RHAG: variants seen among roughly 807,000 people sequenced by gnomAD.
The protein encoded by RHAG is ammonium transporter Rh type A.
RHAG carries 25 observed loss-of-function variants against 42.4 expected under a neutral mutation model. The observed-to-expected ratio is 0.59, with a 90% confidence interval of 0.43 to 0.82. The LOEUF is 0.82. RHAG is among the 40% of genes least tolerant of loss of function. RHAG has a pLI of 0.00. For synonymous variants in RHAG, 182 were observed against 177.7 expected, an observed-to-expected ratio of 1.02 and a Z score of -0.19; for missense variants, 483 against 504.6, an observed-to-expected ratio of 0.96 and a Z score of 0.41.
At chr6:49,621,485 A>G (rs748939329) in intron 1 of RHAG, among the ~76,000 whole-genome samples, 2 of 152,108 alleles carry the variant, frequency 1.3e-5, no homozygotes, top group Non-Finnish European at 2.9e-5. Context: ...TCTTTCCCTC[A>G]GGTGTTGATC....
chr6:49,622,709 G>A (rs1450721728), intron 1 of RHAG, among the ~76,000 whole-genome samples: 2 of 151,988 alleles, frequency 1.3e-5, no homozygotes, highest in Non-Finnish European at 2.9e-5. Context: ...TACCAGCAGT[G>A]TGAAAACGAA....
At chr6:49,621,943 T>G (rs1176831962) in intron 1 of RHAG, among the ~76,000 whole-genome samples, 1 of 152,192 alleles carries the variant, frequency 6.6e-6, no homozygotes, top group Non-Finnish European at 1.5e-5. Flanking sequence ...TTTTTTTCAT[T>G]TTGTTCATTT....
Position 49,606,194 on chromosome 6 carries a change from A to T in RHAG, c.1213-364T>A, listed in dbSNP as rs899892. ...GGACCTCTTGATGTGTACTCACTCA[A>T]ATTCTTCAACCTTATATATTTCACT... On this transcript the variant is annotated intron_variant, in intron 9 of 9. Coordinates refer to ENST00000371175, the MANE Select transcript of RHAG (RefSeq NM_000324.3). Among the ~76,000 whole-genome samples the T allele has an allele frequency of 5.5e-4, 83 of 152,282 alleles. No homozygotes were observed. In the East Asian group the frequency reaches 0.016, roughly 29 times the overall value.
In RHAG at chr6:49,614,691, T is replaced by C. The variant is rs1476921922; in HGVS notation, c.803A>G (p.Asn268Ser). ...SSLVEHRGKL[N>S]MVHIQNATLA... is the part of the protein sequence containing the mutation. ...GAGGGCTAAGGCGGCACTTACCATG[T>C]TGAGCTTGCCTCGGTGCTCCACTAG... The change falls in exon 5 of 10, where the codon AAC becomes AGC. Residue 268 changes from asparagine to serine, a missense_variant. Asn to Ser is a conservative substitution (Grantham distance 46). Transcript: ENST00000371175. 4 of 1,613,548 alleles carry C rather than the reference T, an allele frequency of 2.5e-6. No homozygotes were observed. The highest frequency in any genetic ancestry group is 3.4e-6 in the Non-Finnish European group (4 of 1,180,002).
intron 9 of RHAG, 136 bp downstream of exon 9, chr6:49,606,712 A>C: frequency 1.4e-6 from 1 of 721,874 alleles, no homozygotes; most frequent in South Asian, 1.5e-5. Flanking sequence ...CTGAGATTAC[A>C]TGTGTGAGCT....
In RHAG at chr6:49,615,389, T is replaced by C. The variant is rs183460390; in HGVS notation, c.640+235A>G. The stretch of plus-strand genomic sequence containing the variant: ...CATTTTTTCAAAGTTTAATTGAATT[T>C]ATTATTATTATTATTATTTTTTAGA... On this transcript the variant is annotated intron_variant, in intron 4 of 9. Transcript: ENST00000371175. 3.2e-4 allele frequency: 105 copies of C among 328,542 alleles called. No homozygotes were observed. In the Admixed American group the frequency reaches 3.6e-3, roughly 11 times the overall value. The allele number at this position is 328,542 out of a possible 1,614,324, so 20.4% of individuals were successfully genotyped here. A position where few individuals can be genotyped will look rare whatever the true frequency, so the allele number is the denominator to read the frequency against.
intron 1 of RHAG, among the ~76,000 whole-genome samples, chr6:49,636,124 T>C (rs1359415339): frequency 6.6e-6 from 1 of 152,156 alleles, no homozygotes; most frequent in East Asian, 1.9e-4. Flanking sequence ...CATCTCAAAG[T>C]AACAAACCGA....
chr6:49,612,146 A>G (rs904288131), intron 6 of RHAG, among the ~76,000 whole-genome samples: 11 of 152,212 alleles, frequency 7.2e-5, no homozygotes, highest in African/African-American at 2.7e-4. Flanking sequence ...AGTAATGGCC[A>G]TGTACTTAAC....
chr6:49,635,133 G>T (rs1424830763), intron 1 of RHAG, among the ~76,000 whole-genome samples: 2 of 150,850 alleles, frequency 1.3e-5, no homozygotes, highest in Admixed American at 6.7e-5. Flanking sequence ...TACATCTATA[G>T]CTAGGCTACT....
At chr6:49,628,455 A>C (rs1421532729) in intron 1 of RHAG, among the ~76,000 whole-genome samples, 1 of 152,152 alleles carries the variant, frequency 6.6e-6, no homozygotes, top group Non-Finnish European at 1.5e-5. Flanking sequence ...ACTGACTTCA[A>C]GAATGAAGCC....
Position 49,605,357 on chromosome 6 carries a change from T to C in RHAG, c.*456A>G. 5.3e-6 allele frequency: 1 copy of C among 187,740 alleles called. No homozygotes were observed. The highest frequency in any genetic ancestry group is 1.2e-4 in the East Asian group (1 of 8,072). The allele number at this position is 187,740 out of a possible 1,614,324, so 11.6% of individuals were successfully genotyped here. A position where few individuals can be genotyped will look rare whatever the true frequency, so the allele number is the denominator to read the frequency against. ...TAAAAAGCACTACCTAAAATCATCA[T>C]ATTACTACTTTACACACATGCATTT... On this transcript the variant is annotated 3_prime_UTR_variant, in exon 10 of 10. Coordinates refer to ENST00000371175, the MANE Select transcript of RHAG (RefSeq NM_000324.3).
chr6:49,617,680 T>C lies in RHAG; in HGVS notation c.492+388A>G, dbSNP rs933435928. Reference sequence around the variant, plus strand: ...GCCTTAACAAAAACCACTACAATGTTTTATATGGGGCTATTCACCTAGTAG... The same window carrying C: ...GCCTTAACAAAAACCACTACAATGTCTTATATGGGGCTATTCACCTAGTAG... On this transcript the variant is annotated intron_variant, in intron 3 of 9. Transcript: ENST00000371175. Among the ~76,000 whole-genome samples, 3 of 152,136 alleles carry C rather than the reference T, an allele frequency of 2.0e-5. No individual in the cohort carries two copies. In the East Asian group the frequency reaches 5.8e-4, roughly 29 times the overall value.
intron 9 of RHAG, 84 bp from the exon 10 acceptor site, chr6:49,605,914 G>A: frequency 8.9e-7 from 1 of 1,128,772 alleles, no homozygotes; most frequent in Non-Finnish European, 1.4e-6. Context: ...AAATATTTTT[G>A]GTAATTATTA....
At chr6:49,617,736 T>G (rs935314277) in intron 3 of RHAG, among the ~76,000 whole-genome samples, 1 of 152,216 alleles carries the variant, frequency 6.6e-6, no homozygotes, top group African/African-American at 2.4e-5. Context: ...TCATCATTGA[T>G]AGGCAAAAGA....
chr6:49,621,873 A>T (rs1762763945), intron 1 of RHAG, among the ~76,000 whole-genome samples: 2 of 152,184 alleles, frequency 1.3e-5, no homozygotes, highest in Admixed American at 1.3e-4. Flanking sequence ...GGACACTGAG[A>T]CACAGAGAAG....
At chr6:49,605,993 AT>A (rs1344267294) in intron 9 of RHAG, among the ~76,000 whole-genome samples, 163 bp from the exon 10 acceptor site, 1 of 152,224 alleles carries the variant, frequency 6.6e-6, no homozygotes, top group Admixed American at 6.5e-5. Context: ...TAAAACATTT[AT>A]CTCACCCACC....
chr6:49,629,967 G>A (rs144773048), intron 1 of RHAG, among the ~76,000 whole-genome samples: 1 of 152,298 alleles, frequency 6.6e-6, no homozygotes, highest in Non-Finnish European at 1.5e-5. Flanking sequence ...AGTGGGCTCA[G>A]GCCTTCGCCA....
In RHAG at chr6:49,607,147, G is replaced by C; in HGVS notation, c.1138+3C>G. On this transcript the variant is annotated splice_donor_region_variant and intron_variant, in intron 8 of 9. Coordinates refer to ENST00000371175, the MANE Select transcript of RHAG (RefSeq NM_000324.3). The stretch of plus-strand genomic sequence containing the variant: ...CAGGGAAGTGTTCACTTTTTATGCT[G>C]ACCTGTCATCAGACCTCCAACAACT... 6.2e-7 allele frequency: 1 copy of C among 1,611,116 alleles called. No individual in the cohort carries two copies. Among genetic ancestry groups the C allele is most frequent in the Non-Finnish European group, 8.5e-7 (1 of 1,177,492 alleles).
intron 1 of RHAG, among the ~76,000 whole-genome samples, chr6:49,628,320 T>C (rs1342773369): frequency 6.6e-6 from 1 of 152,110 alleles, no homozygotes; most frequent in Non-Finnish European, 1.5e-5. Flanking sequence ...TTTTATTTTC[T>C]GTTTTGTAGC....
Sources: gnomAD v4.1 joint callset for allele counts (sites outside exome capture counted in the v4.1 genomes callset) on GRCh38, gnomAD v4.1.1 for gene constraint, MANE v1.5 for transcripts, NCBI Gene and HGNC (gene_info 2026-07-23, HGNC 2026-07-21) for gene names.